The following SHISA6 variants were observed in gnomAD, a reference collection of about 807,000 sequenced individuals.
SHISA6 encodes protein shisa-6.
In SHISA6, 22 loss-of-function variants were observed where a neutral mutation model predicts 47.9. That is an observed-to-expected ratio of 0.46 (90% CI 0.33 to 0.66). The LOEUF is 0.66. Among genes scored for constraint, SHISA6 ranks in the 30% least tolerant of loss-of-function variants. The pLI is 0.02. For missense variants in SHISA6, 680 were observed against 764.6 expected (o/e 0.89, Z 1.30); for synonymous variants, 388 against 337.8 (o/e 1.15, Z -1.63).
At chr17:11,356,186 TC>T (rs767677797) in intron 2 of SHISA6, among the ~76,000 whole-genome samples, 13 of 152,218 alleles carry the variant, frequency 8.5e-5, no homozygotes, top group Non-Finnish European at 1.3e-4. Context: ...ATTGACAATT[TC>T]CCATCTTCCC....
At chr17:11,373,007 T>C (rs577958332) in intron 2 of SHISA6, among the ~76,000 whole-genome samples, 5 of 152,096 alleles carry the variant, frequency 3.3e-5, no homozygotes, top group Non-Finnish European at 4.4e-5. Flanking sequence ...TCCAGTATCA[T>C]TTAACTTTAT....
chr17:11,342,893 C>A (rs1911586759), intron 2 of SHISA6, among the ~76,000 whole-genome samples: 2 of 152,216 alleles, frequency 1.3e-5, no homozygotes, highest in South Asian at 4.1e-4. Context: ...GCACATTTCT[C>A]CAGATACAGA....
At chr17:11,405,588 G>A (rs930979212) in intron 3 of SHISA6, among the ~76,000 whole-genome samples, 4 of 152,080 alleles carry the variant, frequency 2.6e-5, no homozygotes, top group African/African-American at 7.2e-5. Context: ...TGGATCACAA[G>A]GTCAGCAGTT....
At chr17:11,521,639 T>C (rs958637514) in intron 3 of SHISA6, among the ~76,000 whole-genome samples, 1 of 151,164 alleles carries the variant, frequency 6.6e-6, no homozygotes, top group African/African-American at 2.4e-5. Flanking sequence ...ACCCCATCTC[T>C]ACAAAAAACA....
chr17:11,248,412 AGTGG>A (rs774473972), intron 1 of SHISA6, among the ~76,000 whole-genome samples: 1 of 152,174 alleles, frequency 6.6e-6, no homozygotes, highest in Non-Finnish European at 1.5e-5. Flanking sequence ...GAGCCCAGCT[AGTGG>A]GTGGGTGAGC....
chr17:11,436,534 A>G (rs1347105184), intron 3 of SHISA6, among the ~76,000 whole-genome samples: 2 of 152,098 alleles, frequency 1.3e-5, no homozygotes, highest in Non-Finnish European at 2.9e-5. Context: ...TCTATTATTC[A>G]CTTTAACAGC....
rs150667359 is a variant in SHISA6 at position 11,353,852 on chromosome 17, C to T, written c.800-25562C>T. Among the ~76,000 whole-genome samples, 245 of 152,248 alleles carry T rather than the reference C, an allele frequency of 1.6e-3. 1 individual carries two copies. The highest frequency in any genetic ancestry group is 5.4e-3 in the African/African-American group (226 of 41,540). On this transcript the variant is annotated intron_variant, in intron 2 of 5. Coordinates refer to ENST00000441885, the MANE Select transcript of SHISA6 (RefSeq NM_207386.4). The stretch of plus-strand genomic sequence containing the variant: ...CATCTGTTTACAGAATTGTCCTGGG[C>T]GTGCTGTATAAATTCATGTTTAAAT...
chr17:11,472,216 T>G (rs550195968), intron 3 of SHISA6, among the ~76,000 whole-genome samples: 14 of 152,302 alleles, frequency 9.2e-5, no homozygotes, highest in African/African-American at 2.4e-4. Context: ...CTTCTTTTAC[T>G]TGGTAATATA....
In SHISA6 at chr17:11,333,225, A is replaced by G. The variant is rs144820316; in HGVS notation, c.800-46189A>G. ...GGTCCATGTGGAGAGGGAACCTGCC[A>G]GAGCCAGCGGGTTGAGAGTGTGGAA... On this transcript the variant is annotated intron_variant, in intron 2 of 5. Transcript: ENST00000441885. 2.2e-3 allele frequency among the ~76,000 whole-genome samples: 337 copies of G among 152,308 alleles called. 1 individual carries two copies. Among genetic ancestry groups the G allele is most frequent in the African/African-American group, 7.7e-3 (320 of 41,564 alleles).
chr17:11,418,394 T>C (rs966222082), intron 3 of SHISA6, among the ~76,000 whole-genome samples: 2 of 152,174 alleles, frequency 1.3e-5, no homozygotes, highest in African/African-American at 4.8e-5. Context: ...TCTTCCCACT[T>C]ACCTTCTTGA....
At position 11,388,834 on chromosome 17, in the gene SHISA6, ATATAT is replaced by A. The variant is rs1442467894; in HGVS notation, c.895+9326_895+9330del. ...TATATATATATATATATATATATAT[ATATAT>A]ATTTTAAAAAAGGTAAAAAAAAAAA... On this transcript the variant is annotated intron_variant, in intron 3 of 5. Coordinates refer to ENST00000441885, the MANE Select transcript of SHISA6 (RefSeq NM_207386.4). Among the ~76,000 whole-genome samples the A allele has an allele frequency of 5.0e-4, 58 of 116,080 alleles. 1 individual carries two copies. Among genetic ancestry groups the A allele is most frequent in the African/African-American group, 1.9e-3 (56 of 28,826 alleles). 76.2% of individuals were successfully genotyped at this position (116,080 alleles called of 152,430 possible).
intron 2 of SHISA6, among the ~76,000 whole-genome samples, chr17:11,302,070 T>C (rs1354011114): frequency 1.3e-5 from 2 of 152,108 alleles, no homozygotes; most frequent in African/African-American, 4.8e-5. Flanking sequence ...ATTATGAGAA[T>C]AGCACAGGAA....
chr17:11,539,793 T>C (rs2071817975), intron 3 of SHISA6, among the ~76,000 whole-genome samples: 1 of 152,214 alleles, frequency 6.6e-6, no homozygotes, highest in Non-Finnish European at 1.5e-5. Flanking sequence ...CTAATTGTTG[T>C]TATCCAGCTC....
At chr17:11,525,658 A>AAAAAAC (rs2071671995) in intron 3 of SHISA6, among the ~76,000 whole-genome samples, 5 of 131,718 alleles carry the variant, frequency 3.8e-5, no homozygotes, top group Non-Finnish European at 5.1e-5. Flanking sequence ...AAAACAAAAA[A>AAAAAAC]AAAAAAACGT....
At chr17:11,476,705 A>C (rs997408610) in intron 3 of SHISA6, among the ~76,000 whole-genome samples, 3 of 151,958 alleles carry the variant, frequency 2.0e-5, no homozygotes, top group African/African-American at 7.2e-5. Flanking sequence ...TGAGTGCTCC[A>C]TGTGAACTTG....
chr17:11,241,557 G>A lies in SHISA6; in HGVS notation c.135G>A (p.Arg45=). 1 of 1,088,692 alleles carries A rather than the reference G, an allele frequency of 9.2e-7. No homozygotes were observed. Among genetic ancestry groups the A allele is most frequent in the Non-Finnish European group, 1.1e-6 (1 of 899,262 alleles). 67.4% of individuals were successfully genotyped at this position (1,088,692 alleles called of 1,614,324 possible). ...CAGGCGGCGCTGCCGTCGGGGGCCGGAGGGCCGGGGGCGCCCTGGCACGGG... is the reference window on the plus strand; with the variant it reads ...CAGGCGGCGCTGCCGTCGGGGGCCGAAGGGCCGGGGGCGCCCTGGCACGGG... ...LSAGGAAVGG[R]RAGGALARGG... is the part of the protein sequence containing the mutation. Residue 45 remains arginine, a synonymous_variant, in exon 1 of 6, where the codon CGG becomes CGA. Transcript: ENST00000441885. This position sits in a 1 kb window ranked among gnomAD's most constrained non-coding sequence, Gnocchi z 5.5.
intron 3 of SHISA6, among the ~76,000 whole-genome samples, chr17:11,454,209 C>T (rs1915474375): frequency 6.6e-6 from 1 of 152,166 alleles, no homozygotes; most frequent in Non-Finnish European, 1.5e-5. Context: ...TGCACATCTT[C>T]AAGGTTCTAC....
At chr17:11,322,065 G>A (rs966021727) in intron 2 of SHISA6, among the ~76,000 whole-genome samples, 1 of 152,054 alleles carries the variant, frequency 6.6e-6, no homozygotes, top group Non-Finnish European at 1.5e-5. Flanking sequence ...TAGGGATTAT[G>A]TCTCTTTAAT....
chr17:11,447,068 G>C (rs1464039397), intron 3 of SHISA6, among the ~76,000 whole-genome samples: 1 of 152,134 alleles, frequency 6.6e-6, no homozygotes, highest in Non-Finnish European at 1.5e-5. Flanking sequence ...GCATCTTCTT[G>C]TTTCTTCCAA....
Sources: gnomAD v4.1 joint callset for allele counts (sites outside exome capture counted in the v4.1 genomes callset) on GRCh38, gnomAD v4.1.1 for gene constraint, Gnocchi (gnomAD v3.1) non-coding constraint, MANE v1.5 for transcripts, NCBI Gene and HGNC (gene_info 2026-07-23, HGNC 2026-07-21) for gene names.